The following PHTF2 variants were observed in gnomAD, a reference collection of about 807,000 sequenced individuals.
PHTF2 encodes the protein putative homeodomain transcription factor 2.
A neutral mutation model predicts 101.2 loss-of-function variants in PHTF2; 60 were observed. The observed-to-expected ratio is 0.59, with a 90% CI of 0.48 to 0.73. PHTF2 has a LOEUF of 0.73. Ranked by LOEUF, PHTF2 falls within the 30% of genes least tolerant of loss-of-function variation. The probability of loss-of-function intolerance (pLI) is 0.00; values close to 1 mark genes in which losing one functional copy is unlikely to be tolerated. For missense variants in PHTF2, 747 were observed against 908.7 expected, an observed-to-expected ratio of 0.82 and a Z score of 2.29; for synonymous variants, 311 against 307.3, an observed-to-expected ratio of 1.01 and a Z score of -0.13.
chr7:77,885,569 T>C (rs1584593104), intron 3 of PHTF2, among the ~76,000 whole-genome samples: 1 of 152,056 alleles, frequency 6.6e-6, no homozygotes. Flanking sequence ...CTCAGCCTCC[T>C]GAGTAGCTGG....
chr7:77,848,585 A>T (rs1423439675), intron 2 of PHTF2, among the ~76,000 whole-genome samples: 2 of 151,822 alleles, frequency 1.3e-5, no homozygotes, highest in Non-Finnish European at 2.9e-5. Context: ...GAGTTGTTTG[A>T]GCTCCTTGTA....
At chr7:77,897,826 G>A (rs756494143) in intron 5 of PHTF2, among the ~76,000 whole-genome samples, 6 of 151,924 alleles carry the variant, frequency 3.9e-5, no homozygotes, top group Non-Finnish European at 5.9e-5. Flanking sequence ...TATTACAGGC[G>A]CCCGCTACCA....
At chr7:77,939,956 ATAAT>A in intron 13 of PHTF2, 70 bp from the exon 13 acceptor site, 9 of 1,095,826 alleles carry the variant, frequency 8.2e-6, no homozygotes, top group Non-Finnish European at 1.2e-5. Flanking sequence ...ATTGCTATAA[ATAAT>A]TCTACTGTAG....
At chr7:77,920,728 C>T (rs1803375694) in intron 10 of PHTF2, among the ~76,000 whole-genome samples, 1 of 152,178 alleles carries the variant, frequency 6.6e-6, no homozygotes, top group Non-Finnish European at 1.5e-5. Flanking sequence ...GTTATCCAGG[C>T]TGGAGTGAGG....
chr7:77,903,544 A>G (rs1300606880), intron 7 of PHTF2, among the ~76,000 whole-genome samples: 1 of 152,220 alleles, frequency 6.6e-6, no homozygotes, highest in Non-Finnish European at 1.5e-5. Context: ...TTGTGTCTGA[A>G]ATTTACTTAC....
At chr7:77,877,252 C>T (rs562837197) in intron 3 of PHTF2, among the ~76,000 whole-genome samples, 51 of 151,968 alleles carry the variant, frequency 3.4e-4, no homozygotes, top group African/African-American at 1.2e-3. Context: ...AGTTGCTGCA[C>T]GTGCCACCAT....
intron 1 of PHTF2, among the ~76,000 whole-genome samples, chr7:77,801,983 G>T (rs1792591956): frequency 6.6e-6 from 1 of 152,130 alleles, no homozygotes; most frequent in Non-Finnish European, 1.5e-5. Flanking sequence ...TATAAAGTAC[G>T]GGCACATAGA....
At chr7:77,933,348 A>C (rs542455790) in intron 12 of PHTF2, among the ~76,000 whole-genome samples, 1 of 152,322 alleles carries the variant, frequency 6.6e-6, no homozygotes, top group South Asian at 2.1e-4. Flanking sequence ...AAATTGTTAG[A>C]TTGAGAAGGA....
chr7:77,851,234 C>T (rs1396772022), intron 2 of PHTF2, among the ~76,000 whole-genome samples: 2 of 152,100 alleles, frequency 1.3e-5, no homozygotes, highest in Non-Finnish European at 1.5e-5. Context: ...CCATTGGGTC[C>T]TGGGCTTTTC....
intron 1 of PHTF2, among the ~76,000 whole-genome samples, chr7:77,828,285 A>G (rs892392509): frequency 1.8e-4 from 28 of 152,248 alleles, no homozygotes; most frequent in African/African-American, 6.3e-4. Context: ...AAGCCAATAC[A>G]TTATAATTAG....
At chr7:77,829,967 A>G (rs1218944103) in intron 1 of PHTF2, among the ~76,000 whole-genome samples, 1 of 152,152 alleles carries the variant, frequency 6.6e-6, no homozygotes, top group Non-Finnish European at 1.5e-5. Context: ...ATGTTGGGGG[A>G]GTACAGGAGT....
intron 9 of PHTF2, among the ~76,000 whole-genome samples, chr7:77,919,029 A>G (rs17159450): frequency 0.076 from 11,622 of 152,242 alleles, 547 homozygotes; most frequent in South Asian, 0.19. Context: ...AAAAAATCCT[A>G]ACAGGCAGTT....
intron 12 of PHTF2, among the ~76,000 whole-genome samples, chr7:77,932,997 G>C (rs1333542534): frequency 6.6e-6 from 1 of 152,092 alleles, no homozygotes; most frequent in African/African-American, 2.4e-5. Context: ...CCAGCACTTT[G>C]GGAGGCCGAG....
At chr7:77,870,866 A>G (rs1470026856) in intron 3 of PHTF2, among the ~76,000 whole-genome samples, 2 of 152,252 alleles carry the variant, frequency 1.3e-5, no homozygotes, top group Non-Finnish European at 1.5e-5. Flanking sequence ...AAAGTTAACA[A>G]TACTTAAATG....
chr7:77,839,549 TAAAC>T (rs1267149169), intron 1 of PHTF2, among the ~76,000 whole-genome samples: 1 of 152,210 alleles, frequency 6.6e-6, no homozygotes, highest in Non-Finnish European at 1.5e-5. Flanking sequence ...TTCAATAAAA[TAAAC>T]TTTTAGGGAC....
intron 3 of PHTF2, among the ~76,000 whole-genome samples, chr7:77,892,379 T>C (rs1800515800): frequency 1.3e-5 from 2 of 152,266 alleles, no homozygotes; most frequent in Admixed American, 1.3e-4. Context: ...TAACCCATTT[T>C]GGTATTCTCA....
chr7:77,866,831 A>T (rs1798107117), intron 3 of PHTF2, among the ~76,000 whole-genome samples: 1 of 152,234 alleles, frequency 6.6e-6, no homozygotes, highest in Non-Finnish European at 1.5e-5. Flanking sequence ...ATGGTGCTGT[A>T]GCCTTGATTT....
chr7:77,901,412 C>G (rs2150831646), intron 6 of PHTF2, among the ~76,000 whole-genome samples: 1 of 152,200 alleles, frequency 6.6e-6, no homozygotes, highest in African/African-American at 2.4e-5. Flanking sequence ...TCTCTTGAAC[C>G]CAGGAGTTTG....
At chr7:77,891,043 G>T (rs1055976854) in intron 3 of PHTF2, among the ~76,000 whole-genome samples, 10 of 151,426 alleles carry the variant, frequency 6.6e-5, no homozygotes, top group African/African-American at 2.4e-4. Flanking sequence ...GAGTAGCTGG[G>T]ACTACAAGGG....
Sources: gnomAD v4.1 joint callset for allele counts (sites outside exome capture counted in the v4.1 genomes callset) on GRCh38, gnomAD v4.1.1 for gene constraint, MANE v1.5 for transcripts, NCBI Gene and HGNC (gene_info 2026-07-23, HGNC 2026-07-21) for gene names.